The following RAB38 variants were observed in gnomAD, a reference collection of about 807,000 sequenced individuals.
The protein encoded by RAB38 is RAB38, member RAS oncogene family.
Under a neutral mutation model 18.4 loss-of-function variants are expected in RAB38, and 15 were observed. The observed-to-expected ratio is 0.82, with a 90% CI of 0.55 to 1.26. The LOEUF is 1.26. Among genes scored for constraint, RAB38 ranks in the 50% most tolerant of loss-of-function variants. The pLI is 0.00. For missense variants in RAB38, 294 were observed against 267.4 expected, an observed-to-expected ratio of 1.10 and a Z score of -0.69; for synonymous variants, 101 against 104.4, an observed-to-expected ratio of 0.97 and a Z score of 0.20.
the RAB38 span, among the ~76,000 whole-genome samples, chr11:87,829,420 C>T: frequency 1.3e-5 from 2 of 152,136 alleles, no homozygotes; most frequent in Admixed American, 1.3e-4. Flanking sequence ...AATTGATTCA[C>T]AGTTCCCCAT....
At chr11:87,888,911 A>T in the RAB38 span, among the ~76,000 whole-genome samples, 1 of 151,956 alleles carries the variant, frequency 6.6e-6, no homozygotes, top group Admixed American at 6.6e-5. Flanking sequence ...ACCACTAGCA[A>T]TTGGTGCTGT....
chr11:87,977,825 T>A, the RAB38 span, among the ~76,000 whole-genome samples: 4 of 93,656 alleles, frequency 4.3e-5, no homozygotes, highest in Non-Finnish European at 7.9e-5. Context: ...AAATATATGT[T>A]CCTATATAAT....
At chr11:88,063,802 C>A in the RAB38 span, among the ~76,000 whole-genome samples, 1 of 152,154 alleles carries the variant, frequency 6.6e-6, no homozygotes, top group South Asian at 2.1e-4. Flanking sequence ...TTCTCATTTG[C>A]CTTCTGCCAT....
chr11:88,039,257 T>G, the RAB38 span, among the ~76,000 whole-genome samples: 5 of 152,180 alleles, frequency 3.3e-5, no homozygotes, highest in Non-Finnish European at 7.3e-5. Flanking sequence ...CTGCTTGGAA[T>G]TAGGAAGTTT....
At chr11:88,071,148 C>A in the RAB38 span, among the ~76,000 whole-genome samples, 1 of 152,032 alleles carries the variant, frequency 6.6e-6, no homozygotes, top group Non-Finnish European at 1.5e-5. Context: ...CATGCAGGTT[C>A]TGATCAGTGC....
At chr11:88,073,148 A>G in the RAB38 span, among the ~76,000 whole-genome samples, 2 of 152,148 alleles carry the variant, frequency 1.3e-5, no homozygotes, top group Non-Finnish European at 1.5e-5. Flanking sequence ...ATACCTTTCA[A>G]CACACCATAA....
the RAB38 span, among the ~76,000 whole-genome samples, chr11:88,102,304 C>T: frequency 2.6e-5 from 4 of 152,024 alleles, no homozygotes; most frequent in East Asian, 7.7e-4. Context: ...GTTGGTAGGG[C>T]AACTCACCAT....
chr11:87,889,816 G>A, the RAB38 span, among the ~76,000 whole-genome samples: 2 of 151,472 alleles, frequency 1.3e-5, no homozygotes, highest in Admixed American at 1.3e-4. Flanking sequence ...GTGTGTTTCT[G>A]TGTGGTTTTT....
At chr11:87,968,502 T>A in the RAB38 span, among the ~76,000 whole-genome samples, 5 of 152,152 alleles carry the variant, frequency 3.3e-5, no homozygotes, top group African/African-American at 1.2e-4. Context: ...TAAACATCTT[T>A]CCATAGAATG....
the RAB38 span, among the ~76,000 whole-genome samples, chr11:87,873,922 G>GTATATATATATATA: frequency 0.015 from 1,591 of 102,938 alleles, 34 homozygotes; most frequent in African/African-American, 0.025. Flanking sequence ...GTGTGTGTGT[G>GTATATATATATATA]TATATATATA....
At chr11:88,118,207 A>C (rs1942583032) in intron 2 of RAB38, among the ~76,000 whole-genome samples, 1 of 152,250 alleles carries the variant, frequency 6.6e-6, no homozygotes, top group South Asian at 2.1e-4. Context: ...TCCAGCATGC[A>C]AGGTAGGAGC....
At chr11:87,856,202 A>G in the RAB38 span, among the ~76,000 whole-genome samples, 1 of 152,210 alleles carries the variant, frequency 6.6e-6, no homozygotes, top group African/African-American at 2.4e-5. Context: ...GGAGCAATGA[A>G]CTGCATTCTG....
the RAB38 span, among the ~76,000 whole-genome samples, chr11:87,907,118 A>G: frequency 3.5e-4 from 53 of 152,040 alleles, no homozygotes; most frequent in South Asian, 8.5e-3. Context: ...GTATGGTATG[A>G]CATTTTGGTC....
chr11:88,096,814 A>G, the RAB38 span, among the ~76,000 whole-genome samples: 1 of 151,874 alleles, frequency 6.6e-6, no homozygotes, highest in African/African-American at 2.4e-5. Flanking sequence ...TTTTAAAAAT[A>G]AAAGAAAAAA....
At chr11:88,030,495 GA>G in the RAB38 span, among the ~76,000 whole-genome samples, 1 of 151,550 alleles carries the variant, frequency 6.6e-6, no homozygotes, top group Admixed American at 6.6e-5. Flanking sequence ...GACTAATAAA[GA>G]AAAAAAGAGA....
At chr11:88,157,661 A>G (rs1233625176) in intron 1 of RAB38, among the ~76,000 whole-genome samples, 1 of 152,184 alleles carries the variant, frequency 6.6e-6, no homozygotes, top group Non-Finnish European at 1.5e-5. Context: ...ACAGTGGAAT[A>G]AAAATAGAAA....
At chr11:88,045,970 C>T in the RAB38 span, among the ~76,000 whole-genome samples, 2 of 152,146 alleles carry the variant, frequency 1.3e-5, no homozygotes, top group Non-Finnish European at 2.9e-5. Flanking sequence ...ACTAAATTAT[C>T]TGCTTCCCTG....
chr11:88,105,998 TATA>T, the RAB38 span, among the ~76,000 whole-genome samples: 1 of 152,182 alleles, frequency 6.6e-6, no homozygotes, highest in African/African-American at 2.4e-5. Context: ...TAACATTTAT[TATA>T]ATGATAAAAT....
At chr11:88,067,734 A>C in the RAB38 span, among the ~76,000 whole-genome samples, 1 of 152,142 alleles carries the variant, frequency 6.6e-6, no homozygotes, top group Non-Finnish European at 1.5e-5. Context: ...GGACACAGTG[A>C]GGGGAACAAC....
Sources: allele counts gnomAD v4.1 joint callset (sites outside exome capture counted in the v4.1 genomes callset), GRCh38; gene constraint gnomAD v4.1.1; transcripts MANE v1.5; gene names NCBI Gene and HGNC (gene_info 2026-07-23, HGNC 2026-07-21).